Variants in BIN1 observed in about 807,000 individuals in gnomAD.
BIN1 encodes the protein bridging integrator 1.
A neutral mutation model predicts 82.0 loss-of-function variants in BIN1; 53 were observed. That is an observed-to-expected ratio of 0.65 (90% CI 0.52 to 0.81). The LOEUF is 0.81. BIN1 is among the 40% of genes least tolerant of loss of function. The pLI is 0.00. For missense variants in BIN1, 642 were observed against 784.4 expected, an observed-to-expected ratio of 0.82 and a Z score of 2.17; for synonymous variants, 302 against 328.0, an observed-to-expected ratio of 0.92 and a Z score of 0.86.
intron 1 of BIN1, among the ~76,000 whole-genome samples, chr2:127,099,598 C>T (rs371371628): frequency 6.6e-6 from 1 of 152,198 alleles, no homozygotes; most frequent in East Asian, 1.9e-4. Flanking sequence ...ACTGCAACCG[C>T]CGCCTCCCGG....
rs771506242 is a variant in BIN1, at chr2:127,062,149, C to G, written c.823G>C (p.Gly275Arg). The G allele has an allele frequency of 1.9e-6, 3 of 1,608,338 alleles. No homozygotes were observed. Among genetic ancestry groups the G allele is most frequent in the Non-Finnish European group, 8.5e-7 (1 of 1,177,402 alleles). The stretch of plus-strand genomic sequence containing the variant: ...GCCTTGACCGTGAAGGTGTTGCTCC[C>G]GTGTTGCTTCTCCAGGCCGACCAGC... ...DVLVGLEKQH[G>R]SNTFTVKAQP... Residue 275 changes from glycine (G) to arginine (R), a missense_variant, in exon 10 of 19, where the codon GGG becomes CGG. Physicochemically the swap from Gly to Arg is moderately radical, Grantham distance 125. Coordinates refer to ENST00000316724, the MANE Select transcript of BIN1 (RefSeq NM_139343.3).
chr2:127,076,665 C>A lies in BIN1; in HGVS notation c.126G>T (p.Glu42Asp). The change falls in exon 2 of 19, where the codon GAG becomes GAT. Residue 42 changes from glutamate (E) to aspartate (D), a missense_variant. Coordinates refer to ENST00000316724, the MANE Select transcript of BIN1 (RefSeq NM_139343.3). Reference sequence around the variant, plus strand: ...AATTCTGGACGCACTGCTCAAACTGCTCATCCTTGGTCTCATCTGCCTTCC... The same window carrying A: ...AATTCTGGACGCACTGCTCAAACTGATCATCCTTGGTCTCATCTGCCTTCC... ...KLGKADETKD[E>D]QFEQCVQNFN... is the part of the protein sequence containing the mutation. The A allele has an allele frequency of 6.2e-7, 1 of 1,614,190 alleles. No homozygotes were observed. Among genetic ancestry groups the A allele is most frequent in the Non-Finnish European group, 8.5e-7 (1 of 1,180,042 alleles).
At chr2:127,054,321 G>A (rs540066876) in intron 12 of BIN1, 80 of 414,336 alleles carry the variant, frequency 1.9e-4, no homozygotes, top group South Asian at 1.6e-3. Flanking sequence ...CCGCCACCCC[G>A]CAGGGCCAGC....
rs1173556729 is a variant in BIN1 at position 127,107,102 on chromosome 2, C to T, written c.-159G>A. The T allele has an allele frequency of 7.8e-6, 6 of 770,402 alleles. No homozygotes were observed. The highest frequency in any genetic ancestry group is 7.4e-5 in the South Asian group (2 of 27,122). 47.7% of individuals were successfully genotyped at this position (770,402 alleles called of 1,614,324 possible). A position where few individuals can be genotyped will look rare whatever the true frequency, so the allele number is the denominator to read the frequency against. ...CCAACTGACGGAGGCGGAGCGTGCG[C>T]CGGACGGGCGAGCGAGCCAGCGAGC... On this transcript the variant is annotated 5_prime_UTR_variant, in exon 1 of 19. Transcript: ENST00000316724. The surrounding 1 kb of genome is among the most constrained non-coding windows in gnomAD (Gnocchi z 5.9).
In BIN1 at chr2:127,048,095, C is replaced by A; in HGVS notation, c.*431G>T. On this transcript the variant is annotated 3_prime_UTR_variant, in exon 19 of 19. Coordinates refer to ENST00000316724, the MANE Select transcript of BIN1 (RefSeq NM_139343.3). ...TTGAACACTAAGATTTATTTTCAAA[C>A]AGCACACAGACCGTCTGCGGGGCAG... 4.7e-6 allele frequency: 1 copy of A among 212,056 alleles called. No homozygotes were observed. The highest frequency in any genetic ancestry group is 9.6e-6 in the Non-Finnish European group (1 of 103,654). 13.1% of individuals were successfully genotyped at this position (212,056 alleles called of 1,614,324 possible). A position where few individuals can be genotyped will look rare whatever the true frequency, so the allele number is the denominator to read the frequency against.
chr2:127,098,357 C>T (rs1679866325), intron 1 of BIN1, among the ~76,000 whole-genome samples: 1 of 152,176 alleles, frequency 6.6e-6, no homozygotes, highest in Non-Finnish European at 1.5e-5. Flanking sequence ...CACCCACTCA[C>T]TCCCCGTAAC....
chr2:127,080,539 C>G (rs55769487), intron 1 of BIN1, among the ~76,000 whole-genome samples: 1 of 152,166 alleles, frequency 6.6e-6, no homozygotes, highest in Non-Finnish European at 1.5e-5. Flanking sequence ...ACACTTATCA[C>G]GCACACTCAC....
At chr2:127,074,252 G>C (rs918071673) in intron 2 of BIN1, among the ~76,000 whole-genome samples, 1 of 151,958 alleles carries the variant, frequency 6.6e-6, no homozygotes, top group African/African-American at 2.4e-5. Flanking sequence ...CCCAACAACA[G>C]TGACCTTCAC....
intron 1 of BIN1, among the ~76,000 whole-genome samples, chr2:127,088,410 A>C (rs1239788935): frequency 6.6e-6 from 1 of 152,252 alleles, no homozygotes; most frequent in East Asian, 1.9e-4. Flanking sequence ...GAGGGAGGCA[A>C]TGTTGAAAGG....
chr2:127,105,828 T>G (rs1189271358), intron 1 of BIN1, among the ~76,000 whole-genome samples: 1 of 152,220 alleles, frequency 6.6e-6, no homozygotes, highest in Non-Finnish European at 1.5e-5. Context: ...GGGGCAGGCC[T>G]GGCCGCGGGG....
intron 1 of BIN1, among the ~76,000 whole-genome samples, chr2:127,084,502 G>A (rs1400873934): frequency 6.6e-6 from 1 of 152,200 alleles, no homozygotes; most frequent in Non-Finnish European, 1.5e-5. Flanking sequence ...CACTGTCCCT[G>A]CCCCAGCCCT....
In BIN1 at chr2:127,059,147, G is replaced by A. The variant is rs771112840; in HGVS notation, c.866C>T (p.Ala289Val). 26 of 1,578,328 alleles carry A rather than the reference G, an allele frequency of 1.6e-5. No individual in the cohort carries two copies. Among genetic ancestry groups the A allele is most frequent in the African/African-American group, 6.7e-5 (5 of 74,352 alleles). ...FTVKAQPSDN[A>V]PAKGNKSPSP... is the part of the protein sequence containing the mutation. The stretch of plus-strand genomic sequence containing the variant: ...AGGGCTCTTGTTCCCTTTTGCAGGC[G>A]CGTTGTCACTGTGGGGGAGGACAAG... Residue 289 changes from alanine to valine, a missense_variant, in exon 11 of 19, where the codon GCG becomes GTG. Transcript: ENST00000316724. The surrounding 1 kb of genome is among the most constrained non-coding windows in gnomAD (Gnocchi z 6.7).
intron 1 of BIN1, among the ~76,000 whole-genome samples, chr2:127,100,998 G>T (rs1680244958): frequency 7.2e-6 from 1 of 138,646 alleles, no homozygotes; most frequent in Non-Finnish European, 1.6e-5. Flanking sequence ...GTAGGAATGT[G>T]CGGGGGGTGG....
chr2:127,092,072 T>C (rs1679006721), intron 1 of BIN1, among the ~76,000 whole-genome samples: 1 of 149,304 alleles, frequency 6.7e-6, no homozygotes, highest in African/African-American at 2.5e-5. Context: ...GCTCTCCGCC[T>C]GGCCCCTACC....
chr2:127,069,608 C>A lies in BIN1; in HGVS notation c.411+387G>T, dbSNP rs1685600580. Among the ~76,000 whole-genome samples the A allele has an allele frequency of 6.6e-5, 10 of 152,222 alleles. No homozygotes were observed. The South Asian group carries it at 2.1e-3, about 32-fold the overall frequency. On this transcript the variant is annotated intron_variant, in intron 5 of 18. Coordinates refer to ENST00000316724, the MANE Select transcript of BIN1 (RefSeq NM_139343.3). ...ACATGTAGACCCAGACAACAGGTGA[C>A]ATGCACACATACCCTTCCAAGCACC...
At chr2:127,105,492 C>CCTCCTCCTCCTCCTCCTG (rs1481513320) in intron 1 of BIN1, among the ~76,000 whole-genome samples, 1 of 151,516 alleles carries the variant, frequency 6.6e-6, no homozygotes, top group African/African-American at 2.4e-5. Flanking sequence ...TCCTCCTCCT[C>CCTCCTCCTCCTCCTCCTG]CTCCTCCTCC....
Position 127,090,172 on chromosome 2 carries a change from A to G in BIN1, c.85-13466T>C, listed in dbSNP as rs1224095358. On this transcript the variant is annotated intron_variant, in intron 1 of 18. Coordinates refer to ENST00000316724, the MANE Select transcript of BIN1 (RefSeq NM_139343.3). This position sits in a 1 kb window ranked among gnomAD's most constrained non-coding sequence, Gnocchi z 6.4. ...CCTGCAGCTCTGCAAGGACCCTGCA[A>G]GCCACCCCATTACGCTGGGCCCCTT... 1.3e-5 allele frequency among the ~76,000 whole-genome samples: 2 copies of G among 152,126 alleles called. No individual in the cohort carries two copies. Among genetic ancestry groups the G allele is most frequent in the Admixed American group, 6.5e-5 (1 of 15,278 alleles).
chr2:127,091,622 T>C (rs1678937394), intron 1 of BIN1, among the ~76,000 whole-genome samples: 1 of 152,146 alleles, frequency 6.6e-6, no homozygotes, highest in Non-Finnish European at 1.5e-5. Flanking sequence ...GGCGTGGTGG[T>C]TCATGCCTAT....
intron 1 of BIN1, among the ~76,000 whole-genome samples, chr2:127,089,960 C>G (rs1678701153): frequency 1.4e-5 from 2 of 139,380 alleles, no homozygotes; most frequent in Admixed American, 1.5e-4. Context: ...CTGCAGTCTT[C>G]CCACCCTAGT....
Sources: gnomAD v4.1 joint callset for allele counts (sites outside exome capture counted in the v4.1 genomes callset) on GRCh38, gnomAD v4.1.1 for gene constraint, Gnocchi (gnomAD v3.1) non-coding constraint, MANE v1.5 for transcripts, NCBI Gene and HGNC (gene_info 2026-07-23, HGNC 2026-07-21) for gene names.